Variants in MECR observed in about 807,000 individuals in gnomAD.
The protein encoded by MECR is mitochondrial trans-2-enoyl-CoA reductase.
In MECR, 37 loss-of-function variants were observed where a neutral mutation model predicts 49.1. The observed-to-expected ratio is 0.75, with a 90% CI of 0.58 to 0.99. The LOEUF (loss-of-function observed/expected upper bound fraction) is 0.99, where lower values mean the gene tolerates loss of function less well. Among genes scored for constraint, MECR ranks in the 50% least tolerant of loss-of-function variants. The pLI is 0.00. For synonymous variants in MECR, 198 were observed against 191.1 expected (o/e 1.04, Z -0.30); for missense variants, 470 against 479.6 (o/e 0.98, Z 0.19).
chr1:29,224,036 T>G (rs1010166602), intron 1 of MECR: 1 of 152,206 alleles, frequency 6.6e-6, no homozygotes, highest in African/African-American at 2.4e-5. Flanking sequence ...AATCAGAGAC[T>G]TAGGGCAACT....
At chr1:29,202,526 A>C (rs1675561610) in intron 5 of MECR, among the ~76,000 whole-genome samples, 2 of 152,192 alleles carry the variant, frequency 1.3e-5, no homozygotes, top group African/African-American at 4.8e-5. Flanking sequence ...CTTCCATGAC[A>C]GCCACAGCCA....
chr1:29,182,725 GGA>G, the MECR span, among the ~76,000 whole-genome samples: 1 of 152,140 alleles, frequency 6.6e-6, no homozygotes, highest in African/African-American at 2.4e-5. Flanking sequence ...TGTATTTTTA[GGA>G]GAGAGGAAGT....
chr1:29,222,564 A>G (rs1681033287), intron 1 of MECR, among the ~76,000 whole-genome samples: 1 of 152,162 alleles, frequency 6.6e-6, no homozygotes, highest in Non-Finnish European at 1.5e-5. Flanking sequence ...TGGGCTGGGA[A>G]CATTACAGTA....
At chr1:29,192,533 C>T (rs944099540), downstream of MECR, among the ~76,000 whole-genome samples, 1 of 152,102 alleles carries the variant, frequency 6.6e-6, no homozygotes, top group African/African-American at 2.4e-5. Flanking sequence ...ACCTGAGGGC[C>T]AGCAGCACTT....
chr1:29,212,731 T>C (rs193272747), intron 3 of MECR, among the ~76,000 whole-genome samples: 116 of 152,278 alleles, frequency 7.6e-4, no homozygotes, highest in African/African-American at 2.7e-3. Flanking sequence ...TCCAGACCAT[T>C]CTCTGCATTG....
intron 7 of MECR, among the ~76,000 whole-genome samples, chr1:29,197,576 C>T (rs1674307495): frequency 6.6e-6 from 1 of 152,144 alleles, no homozygotes; most frequent in African/African-American, 2.4e-5. Context: ...TAAGGATGAC[C>T]TCAGGCACAT....
chr1:29,221,774 G>T (rs1680835627), intron 1 of MECR, among the ~76,000 whole-genome samples: 1 of 152,140 alleles, frequency 6.6e-6, no homozygotes, highest in South Asian at 2.1e-4. Flanking sequence ...TGGCTGGGTG[G>T]GTGGAGTCTA....
chr1:29,186,170 G>C, the MECR span, among the ~76,000 whole-genome samples: 1 of 152,334 alleles, frequency 6.6e-6, no homozygotes, highest in Middle Eastern at 3.4e-3. Flanking sequence ...AGGTGCCAAA[G>C]TTCAACCTTC....
chr1:29,185,891 G>A, the MECR span, among the ~76,000 whole-genome samples: 1 of 152,208 alleles, frequency 6.6e-6, no homozygotes, highest in Admixed American at 6.5e-5. Flanking sequence ...GGCTGAGATG[G>A]GGGGGATCTC....
In MECR at chr1:29,230,114, T is replaced by C. The variant is rs79474668; in HGVS notation, c.176+617A>G. ...ATATACGGTGCAGTGGAGAGAAACA[T>C]GAGTTTGGAATCAGAAGCCATGGAT... On this transcript the variant is annotated intron_variant, in intron 1 of 9. Coordinates refer to ENST00000263702, the MANE Select transcript of MECR (RefSeq NM_016011.5). Among the ~76,000 whole-genome samples the C allele has an allele frequency of 3.1e-3, 477 of 152,322 alleles. 3 individuals are homozygous for C. Among genetic ancestry groups the C allele is most frequent in the African/African-American group, 0.011 (466 of 41,566 alleles).
the MECR span, among the ~76,000 whole-genome samples, chr1:29,180,531 T>C: frequency 6.6e-6 from 1 of 152,216 alleles, no homozygotes; most frequent in Non-Finnish European, 1.5e-5. Context: ...ACTTTCAAAA[T>C]GTTTCAGGTG....
intron 3 of MECR, among the ~76,000 whole-genome samples, chr1:29,213,121 G>C (rs181665400): frequency 5.0e-4 from 76 of 152,344 alleles, no homozygotes; most frequent in African/African-American, 1.8e-3. Context: ...TTGTAATACT[G>C]TATTGTATTA....
intron 3 of MECR, among the ~76,000 whole-genome samples, chr1:29,207,323 T>C (rs1676863004): frequency 6.6e-6 from 1 of 152,072 alleles, no homozygotes; most frequent in Non-Finnish European, 1.5e-5. Flanking sequence ...TTTTGCCTTG[T>C]TGGTCAGGCT....
chr1:29,183,204 T>TC, the MECR span, among the ~76,000 whole-genome samples: 1 of 152,208 alleles, frequency 6.6e-6, no homozygotes, highest in South Asian at 2.1e-4. Context: ...AGTAGGATAC[T>TC]ATACATATGG....
intron 1 of MECR, among the ~76,000 whole-genome samples, chr1:29,217,382 T>C (rs1373948037): frequency 8.3e-6 from 1 of 119,770 alleles, no homozygotes; most frequent in Non-Finnish European, 1.7e-5. Flanking sequence ...GCTAATTTTA[T>C]TTATTTATTT....
downstream of MECR, among the ~76,000 whole-genome samples, chr1:29,189,562 G>A (rs540068704): frequency 3.7e-4 from 57 of 152,204 alleles, no homozygotes; most frequent in Non-Finnish European, 6.0e-4. Context: ...GAGAAGAGAG[G>A]ATCCATTTTA....
At chr1:29,215,732 G>T (rs764333616) in intron 3 of MECR, among the ~76,000 whole-genome samples, 4 of 151,902 alleles carry the variant, frequency 2.6e-5, no homozygotes, top group Non-Finnish European at 5.9e-5. Context: ...TTAGCCGGGC[G>T]TGGTGGTAGG....
the MECR span, among the ~76,000 whole-genome samples, chr1:29,173,849 G>A: frequency 1.3e-5 from 2 of 151,664 alleles, no homozygotes; most frequent in African/African-American, 2.4e-5. Context: ...ATTTTAATTA[G>A]AAAAAATTAG....
downstream of MECR, among the ~76,000 whole-genome samples, chr1:29,190,050 TGTCAGG>T (rs751098828): frequency 7.9e-5 from 12 of 152,138 alleles, no homozygotes; most frequent in Non-Finnish European, 1.5e-4. Context: ...GGATTCTGGG[TGTCAGG>T]GAGCCAGGCT....
Sources: gnomAD v4.1 joint callset for allele counts (sites outside exome capture counted in the v4.1 genomes callset) on GRCh38, gnomAD v4.1.1 for gene constraint, MANE v1.5 for transcripts, NCBI Gene and HGNC (gene_info 2026-07-23, HGNC 2026-07-21) for gene names.